Variants in EYS observed in about 807,000 individuals in gnomAD.
EYS encodes EGF-like photoreceptor maintenance factor.
In EYS, 250 loss-of-function variants were observed where a neutral mutation model predicts 282.1. That is an observed-to-expected ratio of 0.89 (90% CI 0.80 to 0.98). The LOEUF (loss-of-function observed/expected upper bound fraction) is 0.98, where lower values mean the gene tolerates loss of function less well. Ranked by LOEUF, EYS falls within the 50% of genes least tolerant of loss-of-function variation. EYS has a pLI of 0.00. For synonymous variants in EYS, 1,355 were observed against 1,282.9 expected (o/e 1.06, Z -1.20); for missense variants, 4,016 against 3,709.0 (o/e 1.08, Z -2.15).
chr6:64,453,716 A>T (rs560106452), intron 26 of EYS, among the ~76,000 whole-genome samples: 63 of 152,336 alleles, frequency 4.1e-4, no homozygotes, highest in African/African-American at 1.5e-3. Context: ...AGGAACATGG[A>T]TGAAGCTGGA....
chr6:64,175,681 A>G (rs762262188), intron 31 of EYS, among the ~76,000 whole-genome samples: 3 of 152,166 alleles, frequency 2.0e-5, no homozygotes, highest in Admixed American at 6.5e-5. Flanking sequence ...ATAGTAGGTA[A>G]GACCAGCACA....
intron 31 of EYS, among the ~76,000 whole-genome samples, chr6:64,196,479 G>C (rs1197889888): frequency 6.6e-6 from 1 of 152,086 alleles, no homozygotes; most frequent in African/African-American, 2.4e-5. Flanking sequence ...CAATAGCAAA[G>C]ACTTGGAACC....
chr6:64,957,573 T>C (rs988218119), intron 14 of EYS, among the ~76,000 whole-genome samples: 2 of 152,136 alleles, frequency 1.3e-5, no homozygotes, highest in Non-Finnish European at 2.9e-5. Flanking sequence ...TTGAAATAAC[T>C]AAAATAGTGT....
intron 12 of EYS, among the ~76,000 whole-genome samples, chr6:65,065,618 T>C (rs958220128): frequency 1.3e-5 from 2 of 151,908 alleles, no homozygotes; most frequent in South Asian, 4.2e-4. Flanking sequence ...ATTCCTGACC[T>C]GTGATCTGCC....
At chr6:65,683,568 C>T (rs980550476) in intron 1 of EYS, among the ~76,000 whole-genome samples, 1 of 151,966 alleles carries the variant, frequency 6.6e-6, no homozygotes, top group South Asian at 2.1e-4. Flanking sequence ...CTACTTTTTT[C>T]TCCATGGTAA....
chr6:65,231,721 C>T (rs1005910278), intron 12 of EYS, among the ~76,000 whole-genome samples: 1 of 151,804 alleles, frequency 6.6e-6, no homozygotes, highest in Admixed American at 6.6e-5. Context: ...AGTGAAAATA[C>T]ATCATCTCCT....
intron 12 of EYS, among the ~76,000 whole-genome samples, chr6:65,167,810 T>C (rs1229977140): frequency 6.6e-6 from 1 of 151,344 alleles, no homozygotes; most frequent in Non-Finnish European, 1.5e-5. Flanking sequence ...ATCTATTTTA[T>C]ATATTTTCCA....
intron 36 of EYS, among the ~76,000 whole-genome samples, chr6:63,812,552 C>T (rs1771075418): frequency 6.6e-6 from 1 of 152,112 alleles, no homozygotes; most frequent in African/African-American, 2.4e-5. Flanking sequence ...TTGCAGATTC[C>T]ACTAGGGCAG....
At chr6:65,564,149 C>T (rs372081634) in intron 2 of EYS, among the ~76,000 whole-genome samples, 1 of 152,120 alleles carries the variant, frequency 6.6e-6, no homozygotes, top group East Asian at 1.9e-4. Flanking sequence ...AAAAACATTG[C>T]GTGCTCATAG....
At chr6:63,848,826 G>A (rs773096305) in intron 36 of EYS, among the ~76,000 whole-genome samples, 16 of 152,208 alleles carry the variant, frequency 1.1e-4, no homozygotes, top group Admixed American at 3.9e-4. Context: ...GAACCCCAGC[G>A]AGACAGAACT....
At chr6:65,066,662 A>G (rs544696026) in intron 12 of EYS, among the ~76,000 whole-genome samples, 61 of 152,306 alleles carry the variant, frequency 4.0e-4, no homozygotes, top group African/African-American at 1.4e-3. Context: ...GACTGAATAC[A>G]AATTGATTCA....
intron 22 of EYS, among the ~76,000 whole-genome samples, chr6:64,668,021 A>T (rs1769294574): frequency 2.0e-5 from 3 of 152,214 alleles, no homozygotes; most frequent in African/African-American, 7.2e-5. Flanking sequence ...GGGCGTAAGA[A>T]TTTGCATCTA....
intron 33 of EYS, among the ~76,000 whole-genome samples, chr6:64,044,821 C>A (rs539504215): frequency 6.6e-6 from 1 of 151,826 alleles, no homozygotes; most frequent in African/African-American, 2.4e-5. Flanking sequence ...TCCAGATGAG[C>A]ACAAAAATAA....
At chr6:63,951,413 C>A (rs1765587810) in intron 35 of EYS, among the ~76,000 whole-genome samples, 1 of 152,122 alleles carries the variant, frequency 6.6e-6, no homozygotes, top group Non-Finnish European at 1.5e-5. Context: ...ATCGAACCCT[C>A]CCTAGTCTCT....
At chr6:64,359,009 C>T (rs139426622) in intron 29 of EYS, among the ~76,000 whole-genome samples, 58 of 151,642 alleles carry the variant, frequency 3.8e-4, no homozygotes, top group African/African-American at 1.3e-3. Context: ...TTAAAAGTTT[C>T]GGGCATTTAA....
chr6:65,071,041 T>C (rs1773888518), intron 12 of EYS, among the ~76,000 whole-genome samples: 1 of 151,874 alleles, frequency 6.6e-6, no homozygotes, highest in African/African-American at 2.4e-5. Context: ...AAGACCTCTC[T>C]TCCTTAAGAA....
intron 12 of EYS, among the ~76,000 whole-genome samples, chr6:65,108,302 CTT>C (rs2150187382): frequency 8.5e-6 from 1 of 118,040 alleles, no homozygotes; most frequent in Non-Finnish European, 1.8e-5. Flanking sequence ...AAATTACGCA[CTT>C]TATTTTTTTT....
At chr6:63,725,171 G>GA (rs1290360343) in intron 42 of EYS, among the ~76,000 whole-genome samples, 1 of 152,074 alleles carries the variant, frequency 6.6e-6, no homozygotes, top group African/African-American at 2.4e-5. Context: ...TCAATCGTGT[G>GA]AAACTAATGA....
intron 30 of EYS, among the ~76,000 whole-genome samples, chr6:64,289,873 T>C (rs1387803703): frequency 6.6e-6 from 1 of 152,104 alleles, no homozygotes; most frequent in Non-Finnish European, 1.5e-5. Flanking sequence ...TATAGTGCCT[T>C]AGCGCACAGA....
Sources: gnomAD v4.1 joint callset for allele counts (sites outside exome capture counted in the v4.1 genomes callset) on GRCh38, gnomAD v4.1.1 for gene constraint, MANE v1.5 for transcripts, NCBI Gene and HGNC (gene_info 2026-07-23, HGNC 2026-07-21) for gene names.